The following EDARADD variants were observed in gnomAD, a reference collection of about 807,000 sequenced individuals.
EDARADD encodes the protein ectodysplasin-A receptor-associated adapter protein.
Under a neutral mutation model 25.6 loss-of-function variants are expected in EDARADD, and 20 were observed. That is an observed-to-expected ratio of 0.78 (90% CI 0.55 to 1.14). The LOEUF is 1.14. Ranked by LOEUF, EDARADD falls within the 50% of genes most tolerant of loss-of-function variation. The pLI is 0.00. For missense variants in EDARADD, 225 were observed against 270.1 expected (o/e 0.83, Z 1.17); for synonymous variants, 86 against 94.4 (o/e 0.91, Z 0.52).
At chr1:236,411,184 C>A (rs1657464283) in intron 2 of EDARADD, among the ~76,000 whole-genome samples, 1 of 152,154 alleles carries the variant, frequency 6.6e-6, no homozygotes, top group African/African-American at 2.4e-5. Flanking sequence ...ATGCTGGGGA[C>A]AAAGTGATCT....
intron 3 of EDARADD, among the ~76,000 whole-genome samples, chr1:236,369,074 G>A (rs1667144533): frequency 2.0e-5 from 3 of 152,162 alleles, no homozygotes; most frequent in Admixed American, 2.0e-4. Flanking sequence ...GATTACAGGT[G>A]TGAGCCACTG....
At position 236,484,410 on chromosome 1, in the gene EDARADD, G is replaced by A; in HGVS notation, c.*1761G>A. ...CAACCAGCTCCTCAGAATTGAAGAG[G>A]AGCTGGGCAGCAAGGCTAAGTTTGC... is the stretch of plus-strand genomic sequence containing the variant. On this transcript the variant is annotated 3_prime_UTR_variant, in exon 6 of 6. Transcript: ENST00000334232. This position sits in a 1 kb window ranked among gnomAD's most constrained non-coding sequence, Gnocchi z 4.1. The A allele has an allele frequency of 6.2e-7, 1 of 1,610,100 alleles. No homozygotes were observed. The highest frequency in any genetic ancestry group is 8.5e-7 in the Non-Finnish European group (1 of 1,177,544).
intron 3 of EDARADD, among the ~76,000 whole-genome samples, chr1:236,424,037 T>C (rs1657846126): frequency 6.6e-6 from 1 of 151,538 alleles, no homozygotes; most frequent in Non-Finnish European, 1.5e-5. Context: ...ACCTGGGAAA[T>C]GGAGGTTGCA....
intron 3 of EDARADD, among the ~76,000 whole-genome samples, chr1:236,419,473 G>T (rs1217425021): frequency 8.1e-6 from 1 of 123,736 alleles, no homozygotes; most frequent in African/African-American, 2.5e-5. Flanking sequence ...AGAAATCTGG[G>T]TTAATAATTT....
At chr1:236,459,062 C>A (rs533633571) in intron 4 of EDARADD, among the ~76,000 whole-genome samples, 2 of 152,180 alleles carry the variant, frequency 1.3e-5, no homozygotes, top group Non-Finnish European at 2.9e-5. Flanking sequence ...TCTGTGCAGT[C>A]AGCTAGCACA....
chr1:236,442,093 ACTGGAAGAAGACGCCAT>A (rs1175484114), intron 4 of EDARADD, among the ~76,000 whole-genome samples: 1 of 151,772 alleles, frequency 6.6e-6, no homozygotes, highest in African/African-American at 2.4e-5. Context: ...ACAACCTTTC[ACTGGAAGAAGACGCCAT>A]CTAGGACTTT....
chr1:236,352,040 A>T (rs1405481808), intron 3 of EDARADD, among the ~76,000 whole-genome samples: 1 of 151,906 alleles, frequency 6.6e-6, no homozygotes, highest in Non-Finnish European at 1.5e-5. Flanking sequence ...AACCTAGGTC[A>T]CTCCAGTGCC....
rs186749573 is a variant in EDARADD, at chr1:236,466,934, G to A, written c.220-1297G>A. On this transcript the variant is annotated intron_variant, in intron 4 of 5. Transcript: ENST00000334232. ...ATACAAAAATTAGCCAGGCGTGGTG[G>A]CGGGTGGCTGTAGTCCCAGCTACTT... 5.0e-3 allele frequency among the ~76,000 whole-genome samples: 762 copies of A among 152,226 alleles called. 6 individuals are homozygous for A. Among genetic ancestry groups the A allele is most frequent in the African/African-American group, 0.016 (679 of 41,524 alleles).
At chr1:236,456,930 G>T (rs6676404) in intron 4 of EDARADD, among the ~76,000 whole-genome samples, 81,965 of 151,704 alleles carry the variant, frequency 0.54, 22,698 homozygotes, top group African/African-American at 0.65. Flanking sequence ...TGCCAAGCCC[G>T]GGGCTTAGGT....
At chr1:236,445,245 T>TTTTTTTTTTTTTTTTTTTTG (rs1658502774) in intron 4 of EDARADD, among the ~76,000 whole-genome samples, 1 of 139,542 alleles carries the variant, frequency 7.2e-6, no homozygotes, top group Non-Finnish European at 1.6e-5. Context: ...TTTTTTTTTT[T>TTTTTTTTTTTTTTTTTTTTG]GAGACAGAGT....
chr1:236,459,461 A>G (rs1191682468), intron 4 of EDARADD, among the ~76,000 whole-genome samples: 1 of 152,082 alleles, frequency 6.6e-6, no homozygotes, highest in Non-Finnish European at 1.5e-5. Context: ...ACTTCAACTC[A>G]ACTCCAGAAG....
chr1:236,391,428 C>A (rs1050597080), upstream of EDARADD, among the ~76,000 whole-genome samples: 3 of 152,194 alleles, frequency 2.0e-5, no homozygotes, highest in African/African-American at 7.2e-5. Flanking sequence ...CTTGTTGGGG[C>A]ATCTTCCATC....
At chr1:236,447,224 C>CTTTTCTTTCTTTCTTT (rs58467420) in intron 4 of EDARADD, among the ~76,000 whole-genome samples, 4 of 38,546 alleles carry the variant, frequency 1.0e-4, no homozygotes, top group African/African-American at 2.7e-4. Context: ...TTCTTTCTTT[C>CTTTTCTTTCTTTCTTT]CTTTCTTTCC....
chr1:236,473,427 G>A (rs920652198), intron 5 of EDARADD, among the ~76,000 whole-genome samples: 5 of 152,192 alleles, frequency 3.3e-5, no homozygotes, highest in Non-Finnish European at 7.3e-5. Flanking sequence ...GCAGTGAGGA[G>A]CAGCAGAGGA....
At chr1:236,452,052 T>C (rs1200744696) in intron 4 of EDARADD, among the ~76,000 whole-genome samples, 1 of 152,182 alleles carries the variant, frequency 6.6e-6, no homozygotes, top group East Asian at 1.9e-4. Context: ...GCTAGCATCT[T>C]GCTTCCTCAT....
chr1:236,464,970 C>A (rs759031433), intron 4 of EDARADD, among the ~76,000 whole-genome samples: 10 of 152,124 alleles, frequency 6.6e-5, no homozygotes, highest in African/African-American at 9.7e-5. Context: ...GCATTCAGCT[C>A]CTGGGGGCAT....
At chr1:236,467,563 C>T (rs1362266421) in intron 4 of EDARADD, among the ~76,000 whole-genome samples, 2 of 152,020 alleles carry the variant, frequency 1.3e-5, no homozygotes, top group Non-Finnish European at 2.9e-5. Context: ...GATTGCCTCT[C>T]AAGAGATTTG....
chr1:236,471,369 G>GGTGT (rs149214024), intron 5 of EDARADD, among the ~76,000 whole-genome samples: 3 of 151,032 alleles, frequency 2.0e-5, no homozygotes, highest in South Asian at 4.2e-4. Context: ...TGAATAATGT[G>GGTGT]GTGTGTGTGT....
chr1:236,414,346 T>A, intron 3 of EDARADD, 47 bp downstream of exon 3: 8 of 1,496,338 alleles, frequency 5.3e-6, no homozygotes, highest in Non-Finnish European at 7.4e-6. Flanking sequence ...TATTTTAATA[T>A]TGTGAACAAA....
Sources: gnomAD v4.1 joint callset for allele counts (sites outside exome capture counted in the v4.1 genomes callset) on GRCh38, gnomAD v4.1.1 for gene constraint, Gnocchi (gnomAD v3.1) non-coding constraint, MANE v1.5 for transcripts, NCBI Gene and HGNC (gene_info 2026-07-23, HGNC 2026-07-21) for gene names.